The following DKK4 variants were observed in gnomAD, a reference collection of about 807,000 sequenced individuals.
The protein encoded by DKK4 is dickkopf Wnt signaling pathway inhibitor 4.
DKK4 carries 15 observed loss-of-function variants against 14.5 expected under a neutral mutation model. The observed-to-expected ratio is 1.03, with a 90% CI of 0.69 to 1.59. The LOEUF (loss-of-function observed/expected upper bound fraction) is 1.59. Among genes scored for constraint, DKK4 ranks in the 40% most tolerant of loss-of-function variants. The probability of loss-of-function intolerance (pLI) is 0.00; values close to 1 mark genes in which losing one functional copy is unlikely to be tolerated. For missense variants in DKK4, 272 were observed against 280.3 expected, an observed-to-expected ratio of 0.97 and a Z score of 0.21; for synonymous variants, 89 against 105.2, an observed-to-expected ratio of 0.85 and a Z score of 0.94.
At chr8:42,386,458 C>T in the DKK4 span, among the ~76,000 whole-genome samples, 1 of 152,068 alleles carries the variant, frequency 6.6e-6, no homozygotes, top group African/African-American at 2.4e-5. Flanking sequence ...TATTTAATGT[C>T]CGCTAGATGT....
At chr8:42,376,902 C>T in intron 1 of DKK4, 33 bp downstream of exon 1, 1 of 1,574,120 alleles carries the variant, frequency 6.4e-7, no homozygotes, top group African/African-American at 1.3e-5. Context: ...TGTCAGCAGT[C>T]CCGTACCTCG....
chr8:42,379,927 G>T (rs1452185602), upstream of DKK4, among the ~76,000 whole-genome samples: 1 of 152,160 alleles, frequency 6.6e-6, no homozygotes, highest in African/African-American at 2.4e-5. Context: ...GCCATGATCC[G>T]CTGGGTGCAG....
At chr8:42,380,910 A>G (rs905260198), upstream of DKK4, among the ~76,000 whole-genome samples, 2 of 151,024 alleles carry the variant, frequency 1.3e-5, no homozygotes, top group African/African-American at 4.9e-5. Flanking sequence ...AGAAAATGAG[A>G]GAAAGAAAGA....
chr8:42,376,428 T>C (rs1319247113), intron 1 of DKK4, among the ~76,000 whole-genome samples: 1 of 152,204 alleles, frequency 6.6e-6, no homozygotes, highest in Non-Finnish European at 1.5e-5. Context: ...TAATAACATA[T>C]ACACATACAT....
chr8:42,381,507 G>A (rs945462400), upstream of DKK4, among the ~76,000 whole-genome samples: 7 of 152,116 alleles, frequency 4.6e-5, no homozygotes, highest in Middle Eastern at 3.2e-3. Flanking sequence ...ACTGAAGAGC[G>A]ACCCTGTGCC....
upstream of DKK4, among the ~76,000 whole-genome samples, chr8:42,379,378 T>TATATATATATAGAG (rs1166847600): frequency 8.7e-5 from 3 of 34,556 alleles, no homozygotes; most frequent in Non-Finnish European, 1.5e-4. Flanking sequence ...TATATATATA[T>TATATATATATAGAG]AGAGAGAGAG....
intron 1 of DKK4, among the ~76,000 whole-genome samples, 167 bp downstream of exon 1, chr8:42,376,768 C>T (rs1824572321): frequency 6.6e-6 from 1 of 152,198 alleles, no homozygotes; most frequent in Non-Finnish European, 1.5e-5. Flanking sequence ...TACATTCACA[C>T]TAAGGCCACT....
rs751786708 is a variant in DKK4, at chr8:42,375,792, T to C, written c.150A>G (p.Arg50=). ...QCLSDTDCNT[R]KFCLQPRDEK... is the part of the protein sequence containing the mutation. ...CATCGCGGGGCTGGAGGCAGAACTTTCTGGTATTGCAGTCCGTGTCAGACA... is the reference window on the plus strand; with the variant it reads ...CATCGCGGGGCTGGAGGCAGAACTTCCTGGTATTGCAGTCCGTGTCAGACA... The change falls in exon 2 of 4, where the codon AGA becomes AGG. Residue 50 remains arginine, a synonymous_variant. Transcript: ENST00000220812. 5.6e-6 allele frequency: 9 copies of C among 1,613,988 alleles called. No homozygotes were observed. Among genetic ancestry groups the C allele is most frequent in the African/African-American group, 2.7e-5 (2 of 74,910 alleles).
chr8:42,383,745 C>T, the DKK4 span, among the ~76,000 whole-genome samples: 29 of 152,330 alleles, frequency 1.9e-4, no homozygotes, highest in African/African-American at 6.0e-4. Context: ...GAGCTCGAGA[C>T]CAGACTGGCC....
upstream of DKK4, among the ~76,000 whole-genome samples, chr8:42,377,644 C>T (rs1263809688): frequency 6.6e-6 from 1 of 152,050 alleles, no homozygotes; most frequent in Non-Finnish European, 1.5e-5. Context: ...TAATGAGGTA[C>T]AAAATACACT....
upstream of DKK4, among the ~76,000 whole-genome samples, chr8:42,379,902 T>C (rs1453265552): frequency 1.3e-5 from 2 of 152,162 alleles, no homozygotes; most frequent in Non-Finnish European, 1.5e-5. Flanking sequence ...ATTGGAGATA[T>C]ATCAGACTGA....
upstream of DKK4, among the ~76,000 whole-genome samples, chr8:42,381,883 G>C (rs184983283): frequency 8.6e-4 from 131 of 152,282 alleles, no homozygotes; most frequent in African/African-American, 3.1e-3. Flanking sequence ...TGTAATCCCA[G>C]TTACTTGGGA....
At position 42,374,969 on chromosome 8, in the gene DKK4, A is replaced by C; in HGVS notation, c.263-56T>G. Reference sequence around the variant, plus strand: ...TTAACTTCAAGGGGGAGAACCACAGACACACTAATTATCCTACTGTTGCAT... The same window carrying C: ...TTAACTTCAAGGGGGAGAACCACAGCCACACTAATTATCCTACTGTTGCAT... On this transcript the variant is annotated intron_variant, in intron 2 of 3. Coordinates refer to ENST00000220812, the MANE Select transcript of DKK4 (RefSeq NM_014420.3). 3 of 1,577,654 alleles carry C rather than the reference A, an allele frequency of 1.9e-6. No homozygotes were observed. In the South Asian group the frequency reaches 3.3e-5, roughly 18 times the overall value.
At chr8:42,374,999 T>C in intron 2 of DKK4, 86 bp from the exon 3 acceptor site, 1 of 1,383,574 alleles carries the variant, frequency 7.2e-7, no homozygotes, top group African/African-American at 1.4e-5. Flanking sequence ...TTGCATAGTT[T>C]GGCAGCACCT....
the DKK4 span, among the ~76,000 whole-genome samples, chr8:42,385,674 T>C: frequency 6.6e-6 from 1 of 152,190 alleles, no homozygotes; most frequent in South Asian, 2.1e-4. Context: ...CAGCACAAAG[T>C]CCAGGCTCCT....
upstream of DKK4, among the ~76,000 whole-genome samples, chr8:42,379,969 G>A (rs776947203): frequency 7.9e-5 from 12 of 152,126 alleles, no homozygotes; most frequent in Non-Finnish European, 1.6e-4. Flanking sequence ...ACTTCGTGAG[G>A]AGGATAAAGC....
At chr8:42,384,933 T>G in the DKK4 span, among the ~76,000 whole-genome samples, 1 of 152,236 alleles carries the variant, frequency 6.6e-6, no homozygotes, top group Non-Finnish European at 1.5e-5. Context: ...TGTCACCTCC[T>G]TCTTTCCCAA....
chr8:42,377,240 T>C, upstream of DKK4: 2 of 564,434 alleles, frequency 3.5e-6, no homozygotes, highest in East Asian at 5.7e-5. Flanking sequence ...GACCAGCAGG[T>C]TCCTCCTGAA....
At chr8:42,387,344 CTTTTTTTTTTTT>C in the DKK4 span, among the ~76,000 whole-genome samples, 26 of 44,908 alleles carry the variant, frequency 5.8e-4, 1 homozygote, top group South Asian at 4.0e-3. Context: ...GAAGGCCAGT[CTTTTTTTTTTTT>C]TTTTTTTTTT....
Sources: allele counts gnomAD v4.1 joint callset (sites outside exome capture counted in the v4.1 genomes callset), GRCh38; gene constraint gnomAD v4.1.1; transcripts MANE v1.5; gene names NCBI Gene and HGNC (gene_info 2026-07-23, HGNC 2026-07-21).